The following LGR6 variants were observed in gnomAD, a reference collection of about 807,000 sequenced individuals.
LGR6 encodes leucine-rich repeat-containing G protein-coupled receptor 6.
Under a neutral mutation model 69.4 loss-of-function variants are expected in LGR6, and 45 were observed. That is an observed-to-expected ratio of 0.65 (90% CI 0.51 to 0.83). The LOEUF (loss-of-function observed/expected upper bound fraction) is 0.83, where lower values mean the gene tolerates loss of function less well. LGR6 is among the 40% of genes least tolerant of loss of function. LGR6 has a pLI of 0.00. For synonymous variants in LGR6, 538 were observed against 555.0 expected (o/e 0.97, Z 0.43); for missense variants, 1,108 against 1,246.7 (o/e 0.89, Z 1.68).
chr1:202,266,073 C>T (rs894477429), intron 4 of LGR6, among the ~76,000 whole-genome samples: 1 of 151,012 alleles, frequency 6.6e-6, no homozygotes, highest in African/African-American at 2.4e-5. Flanking sequence ...AGCTGTTCTC[C>T]ACTAAAAGGC....
rs192225328 is a variant in LGR6 at position 202,207,411 on chromosome 1, G to A, written c.212+13210G>A. Among the ~76,000 whole-genome samples, 133 of 152,290 alleles carry A rather than the reference G, an allele frequency of 8.7e-4. No homozygotes were observed. The South Asian group carries it at 0.012, about 14-fold the overall frequency. ...GTTGGAGGTGCTTCTTGGCCTGAGCGTGGCATCTGCAGGGGCCAGGGACTA... is the reference window on the plus strand; with the variant it reads ...GTTGGAGGTGCTTCTTGGCCTGAGCATGGCATCTGCAGGGGCCAGGGACTA... On this transcript the variant is annotated intron_variant, in intron 1 of 17. Transcript: ENST00000367278.
At chr1:202,253,534 A>T (rs1165604897) in intron 4 of LGR6, among the ~76,000 whole-genome samples, 1 of 148,366 alleles carries the variant, frequency 6.7e-6, no homozygotes, top group Non-Finnish European at 1.5e-5. Flanking sequence ...CGAACTCATG[A>T]CCTCGTGATC....
intron 7 of LGR6, 96 bp downstream of exon 7, chr1:202,297,672 C>T: frequency 2.1e-6 from 2 of 931,356 alleles, no homozygotes; most frequent in South Asian, 1.6e-5. Context: ...CTCCTCACCT[C>T]CCATGGTCCT....
chr1:202,251,814 T>G (rs1177058271), intron 4 of LGR6, among the ~76,000 whole-genome samples: 1 of 151,184 alleles, frequency 6.6e-6, no homozygotes, highest in African/African-American at 2.4e-5. Context: ...ATCTGGAGTG[T>G]GGGGGGCTGG....
chr1:202,288,061 T>G (rs1666524259), intron 6 of LGR6, among the ~76,000 whole-genome samples: 1 of 152,180 alleles, frequency 6.6e-6, no homozygotes, highest in Non-Finnish European at 1.5e-5. Context: ...TGTGGCCCCT[T>G]GCCGCCTCTC....
chr1:202,319,398 T>TAAGAGACAG lies in LGR6; in HGVS notation c.*191_*192insAAGAGACAG. 1 of 585,130 alleles carries TAAGAGACAG rather than the reference T, an allele frequency of 1.7e-6. No homozygotes were observed. The highest frequency in any genetic ancestry group is 2.9e-6 in the Non-Finnish European group (1 of 347,670). 36.2% of individuals were successfully genotyped at this position (585,130 alleles called of 1,614,324 possible). On this transcript the variant is annotated 3_prime_UTR_variant, in exon 18 of 18. Coordinates refer to ENST00000367278, the MANE Select transcript of LGR6 (RefSeq NM_001017403.2). ...CAACGGGTGCCTCTTGGCCTGGCTTTCCCTTGGCCTTCCTCAGCTTCACCT... is the reference window on the plus strand; with the variant it reads ...CAACGGGTGCCTCTTGGCCTGGCTTTAAGAGACAGCCCTTGGCCTTCCTCAGCTTCACCT...
intron 6 of LGR6, among the ~76,000 whole-genome samples, chr1:202,295,247 G>A (rs558229961): frequency 1.6e-4 from 22 of 141,572 alleles, no homozygotes; most frequent in African/African-American, 5.6e-4. Context: ...AGAATCGCTC[G>A]AACCTGGGAG....
chr1:202,271,632 C>T (rs2148143118), intron 4 of LGR6, among the ~76,000 whole-genome samples: 1 of 152,012 alleles, frequency 6.6e-6, no homozygotes, highest in African/African-American at 2.4e-5. Context: ...CATGGTGAAA[C>T]CCTGTCTCTA....
intron 5 of LGR6, among the ~76,000 whole-genome samples, chr1:202,278,709 G>A (rs1665779575): frequency 6.6e-6 from 1 of 151,992 alleles, no homozygotes; most frequent in African/African-American, 2.4e-5. Context: ...GATATGATGG[G>A]AAGCAAAAAA....
At chr1:202,303,192 C>T (rs1449209063) in intron 9 of LGR6, 87 bp from the exon 10 acceptor site, 14 of 1,045,620 alleles carry the variant, frequency 1.3e-5, no homozygotes, top group Admixed American at 6.8e-5. Flanking sequence ...GGAGGAGTCC[C>T]GGAGGGGAGA....
chr1:202,310,836 T>C (rs1013309854), intron 16 of LGR6, among the ~76,000 whole-genome samples: 6 of 151,998 alleles, frequency 3.9e-5, no homozygotes, highest in East Asian at 1.9e-4. Flanking sequence ...AGGAACAGTG[T>C]AGGGTTATTG....
intron 4 of LGR6, among the ~76,000 whole-genome samples, chr1:202,253,630 T>TC (rs898644590): frequency 6.3e-5 from 7 of 111,772 alleles, no homozygotes; most frequent in Admixed American, 1.7e-4. Flanking sequence ...CTTTTTTTTT[T>TC]TTTTTTTTTT....
intron 4 of LGR6, among the ~76,000 whole-genome samples, chr1:202,252,802 C>G (rs1663380079): frequency 6.6e-6 from 1 of 152,232 alleles, no homozygotes; most frequent in Admixed American, 6.5e-5. Context: ...TCTCCTTTCT[C>G]TCCCTGACAA....
chr1:202,256,594 A>T (rs924046447), intron 4 of LGR6, among the ~76,000 whole-genome samples: 4 of 152,146 alleles, frequency 2.6e-5, no homozygotes, highest in African/African-American at 9.7e-5. Flanking sequence ...GATATACCAC[A>T]TTTTATTTTA....
At chr1:202,278,389 T>C (rs1210208101) in intron 5 of LGR6, among the ~76,000 whole-genome samples, 3 of 151,936 alleles carry the variant, frequency 2.0e-5, no homozygotes, top group Non-Finnish European at 4.4e-5. Context: ...AATTGGCCTA[T>C]AAGTCAGGCC....
chr1:202,303,330 C>G lies in LGR6; in HGVS notation c.981C>G (p.Thr327=). Residue 327 remains threonine (T), a synonymous_variant, in exon 10 of 18, where the codon ACC becomes ACG. Transcript: ENST00000367278. ...DIQEFPDLKG[T]TSLEILTLTR... is the part of the protein sequence containing the mutation. ...AGGAGTTTCCAGATCTCAAAGGCAC[C>G]ACCAGCCTGGAGATCCTGTGAGTGG... 1.2e-6 allele frequency: 2 copies of G among 1,613,724 alleles called. No individual in the cohort carries two copies. Among genetic ancestry groups the G allele is most frequent in the Non-Finnish European group, 1.7e-6 (2 of 1,179,650 alleles).
At chr1:202,212,802 G>T (rs1659512634) in intron 1 of LGR6, among the ~76,000 whole-genome samples, 1 of 152,126 alleles carries the variant, frequency 6.6e-6, no homozygotes, top group Admixed American at 6.5e-5. Context: ...CACACCTTTA[G>T]GGAGGCCACC....
At chr1:202,199,156 G>T (rs1274323145) in intron 1 of LGR6, among the ~76,000 whole-genome samples, 1 of 152,068 alleles carries the variant, frequency 6.6e-6, no homozygotes, top group African/African-American at 2.4e-5. Context: ...TCCTGGTGTG[G>T]GACAGAGAAA....
intron 1 of LGR6, chr1:202,204,006 C>T (rs574476670): frequency 1.4e-4 from 95 of 696,362 alleles, no homozygotes; most frequent in Non-Finnish European, 2.3e-4. Flanking sequence ...GTGTCCCCAT[C>T]TGTCTGTATG....
Sources: gnomAD v4.1 joint callset for allele counts (sites outside exome capture counted in the v4.1 genomes callset) on GRCh38, gnomAD v4.1.1 for gene constraint, MANE v1.5 for transcripts, NCBI Gene and HGNC (gene_info 2026-07-23, HGNC 2026-07-21) for gene names.